Variants in NAV3 observed in about 807,000 individuals in gnomAD.
NAV3 encodes pore membrane and/or filament interacting like protein 1.
NAV3 carries 87 observed loss-of-function variants against 244.7 expected under a neutral mutation model. The observed-to-expected ratio is 0.36, with a 90% CI of 0.30 to 0.42. The LOEUF is 0.42. Ranked by LOEUF, NAV3 falls within the 20% of genes least tolerant of loss-of-function variation. The probability of loss-of-function intolerance (pLI) is 1.00; values close to 1 mark genes in which losing one functional copy is unlikely to be tolerated. For synonymous variants in NAV3, 1,126 were observed against 1,042.2 expected, an observed-to-expected ratio of 1.08 and a Z score of -1.55; for missense variants, 2,663 against 2,893.3, an observed-to-expected ratio of 0.92 and a Z score of 1.83.
At chr12:77,888,884 AG>A (rs1198517388) in intron 1 of NAV3, among the ~76,000 whole-genome samples, 3 of 152,096 alleles carry the variant, frequency 2.0e-5, no homozygotes, top group Non-Finnish European at 4.4e-5. Flanking sequence ...ATACATACTC[AG>A]GGGGAACTCC....
At chr12:78,093,988 A>T (rs1265630205) in intron 12 of NAV3, among the ~76,000 whole-genome samples, 6 of 152,148 alleles carry the variant, frequency 3.9e-5, no homozygotes, top group Non-Finnish European at 8.8e-5. Context: ...CTATAGGCAC[A>T]CACCATCACA....
At chr12:77,594,523 C>T (rs1394744018) in intron 2 of NAV3, among the ~76,000 whole-genome samples, 1 of 152,156 alleles carries the variant, frequency 6.6e-6, no homozygotes, top group South Asian at 2.1e-4. Context: ...GGAATGTTCC[C>T]CAACTGGACT....
chr12:77,945,575 A>C (rs180946965), intron 3 of NAV3, among the ~76,000 whole-genome samples: 6 of 152,194 alleles, frequency 3.9e-5, no homozygotes, highest in African/African-American at 1.4e-4. Flanking sequence ...TAAGTGTTAC[A>C]TGTATTATTT....
chr12:77,977,028 T>G (rs1455950109), intron 5 of NAV3, among the ~76,000 whole-genome samples: 1 of 152,126 alleles, frequency 6.6e-6, no homozygotes, highest in African/African-American at 2.4e-5. Flanking sequence ...AATGGAAAGA[T>G]CAATTAAATT....
At chr12:77,663,779 T>G (rs1461988279) in intron 2 of NAV3, among the ~76,000 whole-genome samples, 1 of 152,130 alleles carries the variant, frequency 6.6e-6, no homozygotes, top group Non-Finnish European at 1.5e-5. Context: ...CCTTGGCCTT[T>G]CAAAGTGCTG....
In NAV3 at chr12:77,727,179, G is replaced by A. The variant is rs112250163; in HGVS notation, c.72+154913G>A. Among the ~76,000 whole-genome samples the A allele has an allele frequency of 4.4e-3, 672 of 152,036 alleles. 5 individuals are homozygous for A. Among genetic ancestry groups the A allele is most frequent in the Middle Eastern group, 0.017 (5 of 294 alleles). On this transcript the variant is annotated intron_variant, in intron 2 of 8. Transcript: ENST00000550042. ...CATGATTCCATTTACTAGGACTGGT[G>A]TAGGCTGAGAGAAAGCTGTTATAGT...
intron 8 of NAV3, among the ~76,000 whole-genome samples, chr12:78,012,084 C>A (rs1161555848): frequency 6.6e-6 from 1 of 152,024 alleles, no homozygotes; most frequent in African/African-American, 2.4e-5. Context: ...TGTGTAGGGA[C>A]ACAGAGCCAA....
At chr12:77,663,640 G>C (rs984799827) in intron 2 of NAV3, among the ~76,000 whole-genome samples, 2 of 151,722 alleles carry the variant, frequency 1.3e-5, no homozygotes, top group Admixed American at 1.3e-4. Context: ...TTCTGCCTCA[G>C]CCTCCCAAGT....
At chr12:77,747,190 T>A (rs1456750582) in intron 2 of NAV3, among the ~76,000 whole-genome samples, 1 of 152,186 alleles carries the variant, frequency 6.6e-6, no homozygotes, top group Non-Finnish European at 1.5e-5. Flanking sequence ...TTTGCCAGAT[T>A]AAAACATTGA....
chr12:77,741,148 C>CAAAAAAAAAAAAAAAAAAAAAAAA, intron 2 of NAV3, among the ~76,000 whole-genome samples: 141 of 68,610 alleles, frequency 2.1e-3, no homozygotes, highest in East Asian at 4.1e-3. Flanking sequence ...AAAAAAAAGA[C>CAAAAAAAAAAAAAAAAAAAAAAAA]AAAAAAAAAA....
chr12:77,652,042 A>T (rs1486355970), intron 2 of NAV3, among the ~76,000 whole-genome samples: 1 of 152,178 alleles, frequency 6.6e-6, no homozygotes, highest in East Asian at 1.9e-4. Context: ...AAAAAATAGC[A>T]GCTTTCTACT....
chr12:77,972,500 A>G (rs993648050), intron 5 of NAV3, among the ~76,000 whole-genome samples: 4 of 152,144 alleles, frequency 2.6e-5, no homozygotes, highest in African/African-American at 9.7e-5. Flanking sequence ...ATCTTGCTAT[A>G]TTCCGAAATA....
intron 1 of NAV3, among the ~76,000 whole-genome samples, chr12:77,857,526 G>A (rs1025440786): frequency 4.0e-5 from 6 of 151,584 alleles, no homozygotes; most frequent in African/African-American, 1.2e-4. Context: ...TTTCTTTCAA[G>A]TATTCAGCAA....
chr12:77,892,735 C>T (rs1337822313), intron 1 of NAV3, among the ~76,000 whole-genome samples: 1 of 152,186 alleles, frequency 6.6e-6, no homozygotes, highest in African/African-American at 2.4e-5. Flanking sequence ...AATTTTATTT[C>T]AGCATTTCCA....
intron 1 of NAV3, among the ~76,000 whole-genome samples, chr12:77,844,818 A>G: frequency 6.6e-6 from 1 of 152,192 alleles, no homozygotes; most frequent in Non-Finnish European, 1.5e-5. Flanking sequence ...GTTAATATGA[A>G]ATCACTAAAC....
intron 12 of NAV3, among the ~76,000 whole-genome samples, chr12:78,102,423 T>C (rs1391388197): frequency 2.0e-5 from 3 of 152,214 alleles, no homozygotes; most frequent in Non-Finnish European, 4.4e-5. Flanking sequence ...TTGCAGGGTA[T>C]AGCACCCCTC....
At chr12:77,941,724 A>G (rs1182854693) in intron 3 of NAV3, among the ~76,000 whole-genome samples, 2 of 152,202 alleles carry the variant, frequency 1.3e-5, no homozygotes, top group African/African-American at 4.8e-5. Context: ...GTTTTATAAT[A>G]AAGTCAAAGA....
At chr12:77,906,132 C>G (rs1885943850) in intron 1 of NAV3, among the ~76,000 whole-genome samples, 1 of 152,028 alleles carries the variant, frequency 6.6e-6, no homozygotes, top group African/African-American at 2.4e-5. Context: ...GCTGAATTTG[C>G]CGCAAACTTG....
Position 77,940,315 on chromosome 12 carries a change from A to G in NAV3, c.244-4A>G, listed in dbSNP as rs953219599. 1 of 1,608,568 alleles carries G rather than the reference A, an allele frequency of 6.2e-7. No homozygotes were observed. Among genetic ancestry groups the G allele is most frequent in the African/African-American group, 1.3e-5 (1 of 74,622 alleles). ...CTCACTTTTTCCTTCTCTCTGTTCA[A>G]CAGATTTACACTGACTGGGCCAACC... is the stretch of plus-strand genomic sequence containing the variant. On this transcript the variant is annotated splice_region_variant and splice_polypyrimidine_tract_variant and intron_variant, in intron 1 of 39. Coordinates refer to ENST00000397909, the MANE Select transcript of NAV3 (RefSeq NM_001024383.2).
Sources: gnomAD v4.1 joint callset for allele counts (sites outside exome capture counted in the v4.1 genomes callset) on GRCh38, gnomAD v4.1.1 for gene constraint, MANE v1.5 for transcripts, NCBI Gene and HGNC (gene_info 2026-07-23, HGNC 2026-07-21) for gene names.